The following HNF4G variants were observed in gnomAD, a reference collection of about 807,000 sequenced individuals.
The protein encoded by HNF4G is hepatocyte nuclear factor 4 gamma, also known as hepatocyte nuclear factor 4-gamma.
In HNF4G, 21 loss-of-function variants were observed where a neutral mutation model predicts 50.9. The ratio of observed to expected loss-of-function variants is 0.41; its 90% confidence interval spans 0.29 to 0.59. The LOEUF is 0.59. HNF4G is among the 20% of genes least tolerant of loss of function. The pLI, the probability that HNF4G is intolerant of heterozygous loss-of-function variation, is 0.26. For synonymous variants in HNF4G, 198 were observed against 185.6 expected (o/e 1.07, Z -0.54); for missense variants, 527 against 559.4 (o/e 0.94, Z 0.58).
intron 1 of HNF4G, among the ~76,000 whole-genome samples, chr8:75,430,278 T>G (rs1810980304): frequency 6.6e-6 from 1 of 152,112 alleles, no homozygotes; most frequent in Admixed American, 6.6e-5. Context: ...GAAACAGACA[T>G]TTTCTCTGAA....
intron 2 of HNF4G, among the ~76,000 whole-genome samples, chr8:75,529,530 G>C (rs1048417318): frequency 6.6e-6 from 1 of 152,164 alleles, no homozygotes; most frequent in Non-Finnish European, 1.5e-5. Context: ...AAGCCTAGGA[G>C]ACAGAGGGTG....
At chr8:75,482,166 G>A (rs370348357) in intron 1 of HNF4G, among the ~76,000 whole-genome samples, 1 of 152,096 alleles carries the variant, frequency 6.6e-6, no homozygotes, top group Non-Finnish European at 1.5e-5. Flanking sequence ...GCTTTGCAGT[G>A]TAAATGCCTT....
intron 1 of HNF4G, among the ~76,000 whole-genome samples, chr8:75,456,586 A>G (rs1303736117): frequency 6.6e-6 from 1 of 152,070 alleles, no homozygotes; most frequent in Non-Finnish European, 1.5e-5. Context: ...GCATTGACTC[A>G]AATATTTCCT....
At chr8:75,448,500 A>C (rs947640104) in intron 1 of HNF4G, among the ~76,000 whole-genome samples, 7 of 150,412 alleles carry the variant, frequency 4.7e-5, no homozygotes, top group East Asian at 1.9e-4. Context: ...AAAAAAAAAA[A>C]AACAAATACC....
intron 1 of HNF4G, among the ~76,000 whole-genome samples, chr8:75,451,781 C>T (rs1306768858): frequency 6.6e-6 from 1 of 152,154 alleles, no homozygotes; most frequent in African/African-American, 2.4e-5. Context: ...TAGTGTGATG[C>T]CTCCAGCTTT....
intron 2 of HNF4G, among the ~76,000 whole-genome samples, chr8:75,531,973 T>C (rs1806339304): frequency 6.6e-6 from 1 of 152,122 alleles, no homozygotes; most frequent in Non-Finnish European, 1.5e-5. Flanking sequence ...ATTCTGTTTT[T>C]ATTATAATGG....
intron 1 of HNF4G, among the ~76,000 whole-genome samples, chr8:75,468,487 A>T (rs542377866): frequency 6.6e-6 from 1 of 152,262 alleles, no homozygotes; most frequent in South Asian, 2.1e-4. Context: ...TGAGGTCAGG[A>T]GTTCGAGACC....
chr8:75,556,088 AT>A lies in HNF4G; in HGVS notation c.733+22del. ...CTTTTGGGTAAGTTTTTTTTTTTTAATTTAAGAAGAAATTATGCATATTTTA... is the reference window on the plus strand; with the variant it reads ...CTTTTGGGTAAGTTTTTTTTTTTTAATTAAGAAGAAATTATGCATATTTTA... On this transcript the variant is annotated intron_variant, in intron 6 of 9. Coordinates refer to ENST00000396423, the MANE Select transcript of HNF4G (RefSeq NM_004133.5). 1 of 1,311,086 alleles carries A rather than the reference AT, an allele frequency of 7.6e-7. No individual in the cohort carries two copies. The highest frequency in any genetic ancestry group is 1.1e-6 in the Non-Finnish European group (1 of 936,478). The allele number at this position is 1,311,086 out of a possible 1,614,324, so 81.2% of individuals were successfully genotyped here. A position where few individuals can be genotyped will look rare whatever the true frequency, so the allele number is the denominator to read the frequency against.
At chr8:75,501,827 CT>C in intron 2 of HNF4G, among the ~76,000 whole-genome samples, 1 of 118,160 alleles carries the variant, frequency 8.5e-6, no homozygotes, top group African/African-American at 4.2e-5. Context: ...ACATAATTAT[CT>C]TTTTTTCATG....
chr8:75,481,227 T>A (rs895135633), intron 1 of HNF4G, among the ~76,000 whole-genome samples: 3 of 152,174 alleles, frequency 2.0e-5, no homozygotes, highest in Non-Finnish European at 1.5e-5. Context: ...TGAAATTTCT[T>A]TACTTTTAAC....
chr8:75,434,187 A>T (rs1388841297), intron 1 of HNF4G, among the ~76,000 whole-genome samples: 1 of 151,596 alleles, frequency 6.6e-6, no homozygotes, highest in African/African-American at 2.4e-5. Flanking sequence ...TATTTTTAGT[A>T]CAGATGAGGT....
At chr8:75,522,450 C>T (rs1461471457) in intron 2 of HNF4G, among the ~76,000 whole-genome samples, 1 of 152,130 alleles carries the variant, frequency 6.6e-6, no homozygotes, top group African/African-American at 2.4e-5. Flanking sequence ...ATCACAATCC[C>T]ATTTGAAGTA....
chr8:75,445,699 C>T (rs989880660), intron 1 of HNF4G, among the ~76,000 whole-genome samples: 1 of 135,592 alleles, frequency 7.4e-6, no homozygotes, highest in South Asian at 2.4e-4. Flanking sequence ...ATACATTCCT[C>T]GACACATACA....
chr8:75,475,325 A>T (rs1315923631), intron 1 of HNF4G, among the ~76,000 whole-genome samples: 1 of 152,232 alleles, frequency 6.6e-6, no homozygotes, highest in Non-Finnish European at 1.5e-5. Flanking sequence ...TATTTTTTAA[A>T]AAAACCATGG....
Position 75,522,554 on chromosome 8 carries a change from A to G in HNF4G, c.-23-21257A>G, listed in dbSNP as rs564024251. 3.3e-5 allele frequency among the ~76,000 whole-genome samples: 5 copies of G among 152,310 alleles called. No individual in the cohort carries two copies. The South Asian group carries it at 8.3e-4, about 25-fold the overall frequency. ...AATTTTCTCAACCTGAGCATTATTA[A>G]CATTTGACTTAGATCATTTTTTGTT... On this transcript the variant is annotated intron_variant, in intron 2 of 10. Transcript: ENST00000354370.
chr8:75,414,680 T>C (rs1176114105), intron 1 of HNF4G, among the ~76,000 whole-genome samples: 4 of 152,258 alleles, frequency 2.6e-5, no homozygotes, highest in African/African-American at 9.6e-5. Context: ...TCACTCAGTG[T>C]AATTATTTTG....
chr8:75,430,461 C>T lies in HNF4G; in HGVS notation c.-144+22299C>T, dbSNP rs189897188. On this transcript the variant is annotated intron_variant, in intron 1 of 10. Coordinates refer to the HNF4G transcript ENST00000354370. The stretch of plus-strand genomic sequence containing the variant: ...GAATTAAATAAGCAAATAAAAGAGA[C>T]GGGGGTAGGGAGTAGAGAGAGAGAG... Among the ~76,000 whole-genome samples, 397 of 134,126 alleles carry T rather than the reference C, an allele frequency of 3.0e-3. 2 individuals are homozygous for T. The highest frequency in any genetic ancestry group is 0.022 in the Middle Eastern group (6 of 270). 88.0% of individuals were successfully genotyped at this position (134,126 alleles called of 152,430 possible).
At chr8:75,522,526 T>C (rs1401421625) in intron 2 of HNF4G, among the ~76,000 whole-genome samples, 3 of 152,196 alleles carry the variant, frequency 2.0e-5, no homozygotes, top group African/African-American at 7.2e-5. Context: ...ATATTGTAGG[T>C]CAAATTTTCT....
chr8:75,424,531 C>T (rs948614438), intron 1 of HNF4G, among the ~76,000 whole-genome samples: 2 of 152,084 alleles, frequency 1.3e-5, no homozygotes, highest in African/African-American at 4.8e-5. Flanking sequence ...CAGCTCTTGC[C>T]CCTTTCTCTC....
Sources: allele counts gnomAD v4.1 joint callset (sites outside exome capture counted in the v4.1 genomes callset), GRCh38; gene constraint gnomAD v4.1.1; transcripts MANE v1.5; gene names NCBI Gene and HGNC (gene_info 2026-07-23, HGNC 2026-07-21).